Variants in SLC35F2 observed in about 807,000 individuals in gnomAD.
SLC35F2 encodes the protein queuine/queuosine transporter SLC35F2.
In SLC35F2, 25 loss-of-function variants were observed where a neutral mutation model predicts 38.1. The observed-to-expected ratio is 0.66, with a 90% CI of 0.48 to 0.92. SLC35F2 has a LOEUF of 0.92. Ranked by LOEUF, SLC35F2 falls within the 40% of genes least tolerant of loss-of-function variation. The probability of loss-of-function intolerance (pLI) is 0.00; values close to 1 mark genes in which losing one functional copy is unlikely to be tolerated. For synonymous variants in SLC35F2, 173 were observed against 181.7 expected, an observed-to-expected ratio of 0.95 and a Z score of 0.38; for missense variants, 409 against 452.9, an observed-to-expected ratio of 0.90 and a Z score of 0.88.
chr11:107,839,709 A>C (rs147025200), intron 1 of SLC35F2, among the ~76,000 whole-genome samples: 1 of 152,276 alleles, frequency 6.6e-6, no homozygotes, highest in East Asian at 1.9e-4. Context: ...GATGGATTGC[A>C]ATGGTGCGAT....
At chr11:107,844,700 C>A (rs554719709) in intron 1 of SLC35F2, among the ~76,000 whole-genome samples, 1 of 151,642 alleles carries the variant, frequency 6.6e-6, no homozygotes, top group African/African-American at 2.4e-5. Flanking sequence ...ACAGGCCGGG[C>A]GCGGTGGCTC....
chr11:107,847,303 G>A (rs1018128231), intron 1 of SLC35F2, among the ~76,000 whole-genome samples: 13 of 151,972 alleles, frequency 8.6e-5, no homozygotes, highest in Non-Finnish European at 1.8e-4. Flanking sequence ...TTCCTGTCTT[G>A]GTGTTCCAAA....
At chr11:107,822,821 G>C (rs1377101001) in intron 1 of SLC35F2, among the ~76,000 whole-genome samples, 1 of 152,078 alleles carries the variant, frequency 6.6e-6, no homozygotes, top group African/African-American at 2.4e-5. Context: ...AGATGTCCTG[G>C]AGAAGGTTCA....
In SLC35F2 at chr11:107,799,967, C is replaced by A. The variant is rs544291263; in HGVS notation, c.939+3034G>T. 1.0e-3 allele frequency among the ~76,000 whole-genome samples: 154 copies of A among 151,548 alleles called. 1 individual carries two copies. The highest frequency in any genetic ancestry group is 3.7e-3 in the African/African-American group (151 of 41,278). On this transcript the variant is annotated intron_variant, in intron 7 of 7. Transcript: ENST00000525815. ...GCAGTGGCGTGATCTCGGCTTATTG[C>A]AAGCTCTGCCTCCCAGGTTCATGCC...
intron 3 of SLC35F2, chr11:107,809,752 C>T (rs1194564935): frequency 8.2e-6 from 8 of 981,572 alleles, no homozygotes; most frequent in Non-Finnish European, 9.7e-6. Context: ...ACAGACCCTG[C>T]GACATGGGTA....
intron 1 of SLC35F2, among the ~76,000 whole-genome samples, chr11:107,829,175 T>C (rs1859798138): frequency 6.6e-6 from 1 of 150,704 alleles, no homozygotes; most frequent in African/African-American, 2.4e-5. Flanking sequence ...TCTCAGCACT[T>C]TGGAAGGCTG....
chr11:107,849,379 C>T (rs1860140940), intron 1 of SLC35F2, among the ~76,000 whole-genome samples: 1 of 152,078 alleles, frequency 6.6e-6, no homozygotes, highest in Non-Finnish European at 1.5e-5. Context: ...TGGCTCACGT[C>T]TGTAATCCCA....
intron 1 of SLC35F2, among the ~76,000 whole-genome samples, chr11:107,840,057 T>A (rs1217017588): frequency 6.6e-6 from 1 of 152,132 alleles, no homozygotes; most frequent in Non-Finnish European, 1.5e-5. Context: ...AGGGCAGCAT[T>A]CAACTGTGGG....
intron 1 of SLC35F2, among the ~76,000 whole-genome samples, chr11:107,829,434 T>C (rs9804652): frequency 0.23 from 33,972 of 150,968 alleles, 6,965 homozygotes; most frequent in African/African-American, 0.55. Flanking sequence ...AAAAAAAAAC[T>C]TGTTTGACTC....
At position 107,858,772 on chromosome 11, in the gene SLC35F2, G is replaced by T; in HGVS notation, c.-5C>A. 1 of 1,257,582 alleles carries T rather than the reference G, an allele frequency of 8.0e-7. No homozygotes were observed. Among genetic ancestry groups the T allele is most frequent in the Non-Finnish European group, 1.0e-6 (1 of 993,188 alleles). 77.9% of individuals were successfully genotyped at this position (1,257,582 alleles called of 1,614,324 possible). A position where few individuals can be genotyped will look rare whatever the true frequency, so the allele number is the denominator to read the frequency against. ...CGCTGGCGAGTCTGCCTCCATCGGC[G>T]CCCTTGCGCGTCTCCGGCGCCCAAA... On this transcript the variant is annotated 5_prime_UTR_variant, in exon 1 of 8. Coordinates refer to ENST00000525815, the MANE Select transcript of SLC35F2 (RefSeq NM_017515.5).
Position 107,792,357 on chromosome 11 carries a change from G to A in SLC35F2, c.*258C>T. The A allele has an allele frequency of 2.9e-6, 1 of 341,514 alleles. No homozygotes were observed. Among genetic ancestry groups the A allele is most frequent in the Non-Finnish European group, 5.3e-6 (1 of 189,206 alleles). The allele number at this position is 341,514 out of a possible 1,614,324, so 21.2% of individuals were successfully genotyped here. ...CTGGTGCCTCTAAGACCCCAGTGTG[G>A]AGTCTGCACCTCATCTCCTCAACAC... On this transcript the variant is annotated 3_prime_UTR_variant, in exon 8 of 8. Coordinates refer to ENST00000525815, the MANE Select transcript of SLC35F2 (RefSeq NM_017515.5).
chr11:107,858,194 A>T (rs1257839849), intron 1 of SLC35F2, among the ~76,000 whole-genome samples: 1 of 152,096 alleles, frequency 6.6e-6, no homozygotes, highest in African/African-American at 2.4e-5. Context: ...CTTAACCAGG[A>T]TTTCTCACTT....
intron 1 of SLC35F2, among the ~76,000 whole-genome samples, chr11:107,849,287 G>A (rs1031824796): frequency 6.6e-6 from 1 of 152,150 alleles, no homozygotes; most frequent in Non-Finnish European, 1.5e-5. Context: ...AGGCATGGAT[G>A]GAAGCTATTA....
chr11:107,792,416 C>T lies in SLC35F2; in HGVS notation c.*199G>A. On this transcript the variant is annotated 3_prime_UTR_variant, in exon 8 of 8. Transcript: ENST00000525815. ...ATTGGTCCTCAAACACAGAAACACA[C>T]TCTTAGCTTGGTTTCTGCTCTATTT... The T allele has an allele frequency of 1.7e-6, 1 of 585,542 alleles. No individual in the cohort carries two copies. The highest frequency in any genetic ancestry group is 2.9e-6 in the Non-Finnish European group (1 of 348,516). 36.3% of individuals were successfully genotyped at this position (585,542 alleles called of 1,614,324 possible).
chr11:107,844,294 T>C (rs1434184016), intron 1 of SLC35F2, among the ~76,000 whole-genome samples: 5 of 152,058 alleles, frequency 3.3e-5, no homozygotes, highest in African/African-American at 9.7e-5. Context: ...ATCTGTGAAA[T>C]GGCACTAGCC....
chr11:107,801,258 T>G (rs1859303751), intron 7 of SLC35F2, among the ~76,000 whole-genome samples: 1 of 152,184 alleles, frequency 6.6e-6, no homozygotes, highest in Non-Finnish European at 1.5e-5. Flanking sequence ...CATTTCGCTT[T>G]CATCGTCTTG....
chr11:107,799,471 G>A (rs186463300), intron 7 of SLC35F2, among the ~76,000 whole-genome samples: 2 of 152,260 alleles, frequency 1.3e-5, no homozygotes, highest in African/African-American at 2.4e-5. Context: ...ATGCAGCCAC[G>A]GCATCACAGA....
intron 1 of SLC35F2, among the ~76,000 whole-genome samples, chr11:107,844,443 C>T (rs1185544995): frequency 1.3e-5 from 2 of 151,520 alleles, no homozygotes; most frequent in African/African-American, 4.9e-5. Context: ...GCCTGGCCAA[C>T]ATGGTGAAAT....
chr11:107,819,234 A>G (rs76420362), intron 1 of SLC35F2, among the ~76,000 whole-genome samples: 2,740 of 152,304 alleles, frequency 0.018, 83 homozygotes, highest in African/African-American at 0.062. Context: ...GGGCATGAGC[A>G]TCTTCAGTTT....
Sources: allele counts gnomAD v4.1 joint callset (sites outside exome capture counted in the v4.1 genomes callset), GRCh38; gene constraint gnomAD v4.1.1; transcripts MANE v1.5; gene names NCBI Gene and HGNC (gene_info 2026-07-23, HGNC 2026-07-21).